N4BP2: variants seen among roughly 807,000 people sequenced by gnomAD.
N4BP2 encodes the protein NEDD4-binding protein 2.
N4BP2 carries 91 observed loss-of-function variants against 152.8 expected under a neutral mutation model. The observed-to-expected ratio is 0.60, with a 90% CI of 0.50 to 0.71. The LOEUF (loss-of-function observed/expected upper bound fraction) is 0.71, where lower values mean the gene tolerates loss of function less well. Among genes scored for constraint, N4BP2 ranks in the 30% least tolerant of loss-of-function variants. N4BP2 has a pLI of 0.00. For missense variants in N4BP2, 1,923 were observed against 2,059.1 expected (o/e 0.93, Z 1.28); for synonymous variants, 646 against 705.3 (o/e 0.92, Z 1.33).
Position 40,081,949 on chromosome 4 carries a change from C to A in N4BP2, c.-115+8398C>A, listed in dbSNP as rs192252933. ...CCAACATGGAGAAACCCCATCTCTA[C>A]TAAAAATACAAAATTAGCCGGGTGT... On this transcript the variant is annotated intron_variant, in intron 2 of 17. Coordinates refer to ENST00000261435, the MANE Select transcript of N4BP2 (RefSeq NM_018177.6). 2.8e-3 allele frequency among the ~76,000 whole-genome samples: 430 copies of A among 151,452 alleles called. 5 individuals are homozygous for A. The highest frequency in any genetic ancestry group is 9.9e-3 in the African/African-American group (407 of 41,296).
the N4BP2 span, among the ~76,000 whole-genome samples, chr4:40,178,936 A>G: frequency 6.6e-6 from 1 of 151,222 alleles, no homozygotes; most frequent in South Asian, 2.1e-4. Flanking sequence ...GCAGTGTGAC[A>G]CTGCCCTTCT....
chr4:40,069,462 C>G (rs1369456674), intron 1 of N4BP2, among the ~76,000 whole-genome samples: 1 of 152,092 alleles, frequency 6.6e-6, no homozygotes, highest in African/African-American at 2.4e-5. Flanking sequence ...TTTAAACTCA[C>G]TTACAGCGTG....
At position 40,090,662 on chromosome 4, in the gene N4BP2, G is replaced by A. The variant is rs182750472; in HGVS notation, c.-114-6565G>A. ...AAGTTGTAGTTTACAGCCAGGCGTG[G>A]TGAGTCACGCCTGTAATCCCAGTAC... On this transcript the variant is annotated intron_variant, in intron 2 of 17. Transcript: ENST00000261435. 2.0e-5 allele frequency among the ~76,000 whole-genome samples: 3 copies of A among 152,274 alleles called. No homozygotes were observed. In the East Asian group the frequency reaches 5.8e-4, roughly 29 times the overall value.
Position 40,117,893 on chromosome 4 carries a change from A to G in N4BP2, c.1689A>G (p.Lys563=), listed in dbSNP as rs765091985. The G allele has an allele frequency of 1.1e-5, 17 of 1,610,794 alleles. No homozygotes were observed. In the East Asian group the frequency reaches 1.3e-4, roughly 13 times the overall value. ...GGCGTAACATTCATGGGGTAAGCAAAGAAAAAATAACAAGAATGTTGGAAC... is the reference window on the plus strand; with the variant it reads ...GGCGTAACATTCATGGGGTAAGCAAGGAAAAAATAACAAGAATGTTGGAAC... ...LARRNIHGVS[K]EKITRMLEHY... The change falls in exon 8 of 18, where the codon AAA becomes AAG. Residue 563 remains lysine (K), a synonymous_variant. Transcript: ENST00000261435.
chr4:40,135,137 C>A (rs1396299287), intron 13 of N4BP2, among the ~76,000 whole-genome samples: 1 of 135,088 alleles, frequency 7.4e-6, no homozygotes, highest in African/African-American at 2.8e-5. Flanking sequence ...TGTGATGTTC[C>A]CCTTCCTGTG....
chr4:40,081,423 A>T (rs1180308618), intron 2 of N4BP2, among the ~76,000 whole-genome samples: 1 of 152,170 alleles, frequency 6.6e-6, no homozygotes, highest in African/African-American at 2.4e-5. Context: ...AGGTGGGCGG[A>T]TTACCTGAGG....
At chr4:40,099,193 A>G (rs1454106949) in intron 3 of N4BP2, among the ~76,000 whole-genome samples, 2 of 152,252 alleles carry the variant, frequency 1.3e-5, no homozygotes, top group Admixed American at 6.5e-5. Flanking sequence ...AGGCTTGCAT[A>G]AGTGTAGTGG....
At chr4:40,130,170 C>T (rs888816785) in intron 12 of N4BP2, among the ~76,000 whole-genome samples, 2 of 151,866 alleles carry the variant, frequency 1.3e-5, no homozygotes, top group Admixed American at 6.6e-5. Flanking sequence ...GGACCAGAAG[C>T]GCACATCACC....
downstream of N4BP2, among the ~76,000 whole-genome samples, chr4:40,159,887 T>C (rs1721809715): frequency 6.6e-6 from 1 of 152,266 alleles, no homozygotes; most frequent in South Asian, 2.1e-4. Flanking sequence ...TGTTGTTTTT[T>C]TTTTGAGATG....
At chr4:40,084,093 G>A (rs911959753) in intron 2 of N4BP2, among the ~76,000 whole-genome samples, 15 of 152,118 alleles carry the variant, frequency 9.9e-5, no homozygotes, top group Non-Finnish European at 2.2e-4. Context: ...TGGGATTACA[G>A]GCATGCGCCA....
intron 2 of N4BP2, among the ~76,000 whole-genome samples, chr4:40,095,745 G>C (rs998534368): frequency 6.6e-6 from 1 of 152,166 alleles, no homozygotes; most frequent in African/African-American, 2.4e-5. Flanking sequence ...TGTGACACTT[G>C]AACAAAAATT....
chr4:40,108,591 G>C (rs746669638), intron 5 of N4BP2, among the ~76,000 whole-genome samples: 8 of 152,136 alleles, frequency 5.3e-5, no homozygotes, highest in Non-Finnish European at 8.8e-5. Context: ...TGGGATTACA[G>C]GCATGAGCCA....
At chr4:40,180,428 A>G in the N4BP2 span, among the ~76,000 whole-genome samples, 27 of 152,324 alleles carry the variant, frequency 1.8e-4, no homozygotes, top group South Asian at 1.5e-3. Flanking sequence ...GTGATAATGC[A>G]GGCAGATAGT....
At chr4:40,114,535 C>G (rs1321678367) in intron 7 of N4BP2, among the ~76,000 whole-genome samples, 3 of 152,174 alleles carry the variant, frequency 2.0e-5, no homozygotes, top group Non-Finnish European at 4.4e-5. Flanking sequence ...AAGGCTCATC[C>G]ATGTTGTAGC....
intron 16 of N4BP2, among the ~76,000 whole-genome samples, chr4:40,151,630 GT>G (rs1479464612): frequency 6.6e-6 from 1 of 152,086 alleles, no homozygotes; most frequent in Non-Finnish European, 1.5e-5. Context: ...AAAATTATAG[GT>G]ATATAGTGCA....
the N4BP2 span, among the ~76,000 whole-genome samples, chr4:40,182,263 GT>G: frequency 1.3e-5 from 2 of 152,196 alleles, no homozygotes; most frequent in Non-Finnish European, 2.9e-5. Flanking sequence ...AGGTGTTCAT[GT>G]GCTTCGAACA....
intron 2 of N4BP2, among the ~76,000 whole-genome samples, chr4:40,087,509 A>G (rs1474449659): frequency 6.6e-6 from 1 of 152,062 alleles, no homozygotes; most frequent in Non-Finnish European, 1.5e-5. Flanking sequence ...GATTACAGGC[A>G]TGTGCCACCA....
chr4:40,098,221 A>G (rs1293412707), intron 3 of N4BP2, among the ~76,000 whole-genome samples: 1 of 152,236 alleles, frequency 6.6e-6, no homozygotes, highest in Non-Finnish European at 1.5e-5. Flanking sequence ...GGCTAGCAGA[A>G]TAGTATAATT....
At chr4:40,168,891 A>AT in the N4BP2 span, among the ~76,000 whole-genome samples, 4 of 151,666 alleles carry the variant, frequency 2.6e-5, no homozygotes, top group East Asian at 2.0e-4. Flanking sequence ...CACCCGGCTA[A>AT]TTTTTTGTAT....
Sources: gnomAD v4.1 joint callset for allele counts (sites outside exome capture counted in the v4.1 genomes callset) on GRCh38, gnomAD v4.1.1 for gene constraint, MANE v1.5 for transcripts, NCBI Gene and HGNC (gene_info 2026-07-23, HGNC 2026-07-21) for gene names.